Variants in KLF1 observed in about 807,000 individuals in gnomAD.
KLF1 encodes the protein KLF transcription factor 1.
Under a neutral mutation model 28.0 loss-of-function variants are expected in KLF1, and 29 were observed. The observed-to-expected ratio is 1.04, with a 90% CI of 0.77 to 1.41. KLF1 has a LOEUF of 1.41. Ranked by LOEUF, KLF1 falls within the 40% of genes most tolerant of loss-of-function variation. The probability of loss-of-function intolerance (pLI) is 0.00; values close to 1 mark genes in which losing one functional copy is unlikely to be tolerated. For missense variants in KLF1, 508 were observed against 515.1 expected (o/e 0.99, Z 0.13); for synonymous variants, 262 against 242.6 (o/e 1.08, Z -0.74).
In KLF1 at chr19:12,887,090, C is replaced by T. The variant is rs1970458009; in HGVS notation, c.51G>A (p.Leu17=). The T allele has an allele frequency of 1.9e-6, 3 of 1,614,044 alleles. No homozygotes were observed. The highest frequency in any genetic ancestry group is 1.6e-4 in the Middle Eastern group (1 of 6,084). The change falls in exon 1 of 3, where the codon CTG becomes CTA. Residue 17 remains leucine, a synonymous_variant. Transcript: ENST00000264834. This position sits in a 1 kb window ranked among gnomAD's most constrained non-coding sequence, Gnocchi z 4.7. ...CATCCTGTGTGTCCGGGAAGGGGCC[C>T]AGGGCGGTCAGTGTGCTGATGGAGG... is the stretch of plus-strand genomic sequence containing the variant. The part of the protein sequence containing the change: ...ALPSISTLTA[L]GPFPDTQDDF...
rs1884263470 is a variant in KLF1, at chr19:12,887,094, G to A, written c.47C>T (p.Ala16Val). ...TALPSISTLT[A>V]LGPFPDTQDD... ...CTGTGTGTCCGGGAAGGGGCCCAGG[G>A]CGGTCAGTGTGCTGATGGAGGGCAA... Residue 16 changes from alanine (A) to valine (V), a missense_variant, in exon 1 of 3, where the codon GCC (alanine) becomes GTC (valine). By Grantham distance (64) the Ala-to-Val change is moderately conservative. Transcript: ENST00000264834. This position sits in a 1 kb window ranked among gnomAD's most constrained non-coding sequence, Gnocchi z 4.7. The A allele has an allele frequency of 6.2e-7, 1 of 1,614,140 alleles. No homozygotes were observed. The highest frequency in any genetic ancestry group is 8.5e-7 in the Non-Finnish European group (1 of 1,180,000).
At chr19:12,886,337 C>T (rs1021499301) in intron 1 of KLF1, among the ~76,000 whole-genome samples, 195 bp from the exon 2 acceptor site, 1 of 152,122 alleles carries the variant, frequency 6.6e-6, no homozygotes, top group South Asian at 2.1e-4. Context: ...GGACAGAAAC[C>T]GATCAGGTCT....
Position 12,887,125 on chromosome 19 carries a change from T to C in KLF1, c.16A>G (p.Thr6Ala), listed in dbSNP as rs767960054. Residue 6 changes from threonine to alanine, a missense_variant, in exon 1 of 3, where the codon ACC (threonine) becomes GCC (alanine). By Grantham distance (58) the Thr-to-Ala change is moderately conservative. Transcript: ENST00000264834. This position sits in a 1 kb window ranked among gnomAD's most constrained non-coding sequence, Gnocchi z 4.7. ...AGTGTGCTGATGGAGGGCAAGGCGG[T>C]CTCGGCTGTGGCCATGGCTGGCTGG... MATAE[T>A]ALPSISTLTA... 1 of 1,613,978 alleles carries C rather than the reference T, an allele frequency of 6.2e-7. No individual in the cohort carries two copies. The highest frequency in any genetic ancestry group is 8.5e-7 in the Non-Finnish European group (1 of 1,179,960).
chr19:12,884,841 T>C lies in KLF1; in HGVS notation c.*44A>G, dbSNP rs767053649. The stretch of plus-strand genomic sequence containing the variant: ...AAGAGACCACCAAACAGGCTTCTTG[T>C]CCCATCCCCAGTCACTAGGAGAGTC... On this transcript the variant is annotated 3_prime_UTR_variant, in exon 3 of 3. Transcript: ENST00000264834. The C allele has an allele frequency of 4.4e-6, 7 of 1,606,680 alleles. No individual in the cohort carries two copies. Among genetic ancestry groups the C allele is most frequent in the Non-Finnish European group, 6.0e-6 (7 of 1,175,560 alleles).
At chr19:12,886,181 C>G (rs1467696816) in intron 1 of KLF1, 39 bp from the exon 2 acceptor site, 1 of 1,484,008 alleles carries the variant, frequency 6.7e-7, no homozygotes, top group South Asian at 1.2e-5. Context: ...TCGGTGGACA[C>G]TGGGGTGCCC....
chr19:12,884,969 C>CTA lies in KLF1; in HGVS notation c.1004_1005insTA (p.Gln336SerfsTer24). The CTA allele has an allele frequency of 6.2e-7, 1 of 1,613,608 alleles. No individual in the cohort carries two copies. The highest frequency in any genetic ancestry group is 8.5e-7 in the Non-Finnish European group (1 of 1,180,026). ...AGAGCTGGCAGCGGAAGGGGCGCTGCCCCGTGTGTTTCCGGTAGTGGCGGG... is the reference window on the plus strand; with the variant it reads ...AGAGCTGGCAGCGGAAGGGGCGCTGCTACCCGTGTGTTTCCGGTAGTGGCGGG... On this transcript the variant is annotated frameshift_variant, in exon 3 of 3. Coordinates refer to ENST00000264834, the MANE Select transcript of KLF1 (RefSeq NM_006563.5). LOFTEE classifies it high-confidence loss of function.
rs1376935900 is a variant in KLF1 at position 12,884,890 on chromosome 19, G to A, written c.1084C>T (p.Leu362Phe). 1 of 1,613,722 alleles carries A rather than the reference G, an allele frequency of 6.2e-7. No individual in the cohort carries two copies. The highest frequency in any genetic ancestry group is 8.5e-7 in the Non-Finnish European group (1 of 1,180,020). ...TCCAAGTGCCAGGGCAGGGCTCAAA[G>A]GTGGCGCTTCATGTGCAAGGCCAGG... ...DHLALHMKRHL is the reference protein window; with the variant it reads ...DHLALHMKRHF The change falls in exon 3 of 3, where the codon CTT (leucine) becomes TTT (phenylalanine). Residue 362 changes from leucine to phenylalanine, a missense_variant. Leu to Phe is a conservative substitution (Grantham distance 22). Coordinates refer to ENST00000264834, the MANE Select transcript of KLF1 (RefSeq NM_006563.5).
chr19:12,886,842 C>T (rs138082533), intron 1 of KLF1, among the ~76,000 whole-genome samples: 120 of 152,076 alleles, frequency 7.9e-4, no homozygotes, highest in African/African-American at 2.7e-3. Flanking sequence ...TTTCTATTAC[C>T]GAAATAGATC....
Position 12,885,688 on chromosome 19 carries a change from T to C in KLF1, c.542A>G (p.Tyr181Cys). Reference sequence around the variant, plus strand: ...CACTGAAAGCCCGGTCCGCGGGAAGTAGCCACCCGAGGAGCCGGCGCCGGG... The same window carrying C: ...CACTGAAAGCCCGGTCCGCGGGAAGCAGCCACCCGAGGAGCCGGCGCCGGG... ...PGPGAGSSGG[Y>C]FPRTGLSVPA... The change falls in exon 2 of 3, where the codon TAC becomes TGC. Residue 181 changes from tyrosine (Y) to cysteine (C), a missense_variant. Physicochemically the swap from Tyr to Cys is radical, Grantham distance 194 (BLOSUM62 -2). Transcript: ENST00000264834. This position sits in a 1 kb window ranked among gnomAD's most constrained non-coding sequence, Gnocchi z 5.6. The C allele has an allele frequency of 6.5e-7, 1 of 1,533,564 alleles. No individual in the cohort carries two copies. Among genetic ancestry groups the C allele is most frequent in the Non-Finnish European group, 8.8e-7 (1 of 1,138,950 alleles). 95.0% of individuals were successfully genotyped at this position (1,533,564 alleles called of 1,614,324 possible). A position where few individuals can be genotyped will look rare whatever the true frequency, so the allele number is the denominator to read the frequency against.
In KLF1 at chr19:12,885,920, C is replaced by T. The variant is rs772465208; in HGVS notation, c.310G>A (p.Ala104Thr). ...GTCTCGGGCGGCGGCGGATATTGCG[C>T]CCCGGAGGCCTCGCTGGGCGCCAGA... is the stretch of plus-strand genomic sequence containing the variant. ...CALAPSEASG[A>T]QYPPPPETLG... The change falls in exon 2 of 3, where the codon GCG (alanine) becomes ACG (threonine). Residue 104 changes from alanine (A) to threonine (T), a missense_variant. Ala to Thr is a moderately conservative substitution (Grantham distance 58). Transcript: ENST00000264834. The surrounding 1 kb of genome is among the most constrained non-coding windows in gnomAD (Gnocchi z 5.6). 6.4e-7 allele frequency: 1 copy of T among 1,552,042 alleles called. No individual in the cohort carries two copies. Among genetic ancestry groups the T allele is most frequent in the South Asian group, 1.2e-5 (1 of 84,378 alleles).
Position 12,885,691 on chromosome 19 carries a change from C to A in KLF1, c.539G>T (p.Gly180Val). 6.5e-7 allele frequency: 1 copy of A among 1,532,272 alleles called. No individual in the cohort carries two copies. Among genetic ancestry groups the A allele is most frequent in the Non-Finnish European group, 8.8e-7 (1 of 1,138,526 alleles). 94.9% of individuals were successfully genotyped at this position (1,532,272 alleles called of 1,614,324 possible). The change falls in exon 2 of 3, where the codon GGC (glycine) becomes GTC (valine). Residue 180 changes from glycine to valine, a missense_variant. Physicochemically the swap from Gly to Val is moderately radical, Grantham distance 109. Transcript: ENST00000264834. The surrounding 1 kb of genome is among the most constrained non-coding windows in gnomAD (Gnocchi z 5.6). ...TGAAAGCCCGGTCCGCGGGAAGTAG[C>A]CACCCGAGGAGCCGGCGCCGGGCCC... Reference protein sequence around the residue: ...YPGPGAGSSGGYFPRTGLSVP... With the variant: ...YPGPGAGSSGVYFPRTGLSVP...
rs1970423312 is a variant in KLF1 at position 12,885,261 on chromosome 19, C to T, written c.913+56G>A. On this transcript the variant is annotated intron_variant, in intron 2 of 2. Coordinates refer to ENST00000264834, the MANE Select transcript of KLF1 (RefSeq NM_006563.5). This position sits in a 1 kb window ranked among gnomAD's most constrained non-coding sequence, Gnocchi z 5.6. The stretch of plus-strand genomic sequence containing the variant: ...CCCGCCCTCTGCAACCCTTCTTCCC[C>T]TGTAACTACAGCGGGCGCCGCGCCC... The T allele has an allele frequency of 6.7e-7, 1 of 1,482,050 alleles. No homozygotes were observed. The highest frequency in any genetic ancestry group is 2.0e-5 in the Admixed American group (1 of 50,324). The allele number at this position is 1,482,050 out of a possible 1,614,324, so 91.8% of individuals were successfully genotyped here.
rs867268157 is a variant in KLF1 at position 12,885,328 on chromosome 19, C to A, written c.902G>T (p.Arg301Leu). Residue 301 changes from arginine (R) to leucine (L), a missense_variant, in exon 2 of 3, where the codon CGC becomes CTC. Transcript: ENST00000264834. This position sits in a 1 kb window ranked among gnomAD's most constrained non-coding sequence, Gnocchi z 5.6. ...CCCCGCCCCCTCACCTGTGTGCGTG[C>A]GCAGATGCGCCTTCAGGTGGGAGCT... ...TKSSHLKAHLRTHTGEKPYAC... is the reference protein window; with the variant it reads ...TKSSHLKAHLLTHTGEKPYAC... 1.3e-6 allele frequency: 2 copies of A among 1,589,030 alleles called. No homozygotes were observed. Among genetic ancestry groups the A allele is most frequent in the African/African-American group, 1.3e-5 (1 of 74,518 alleles).
Position 12,885,319 on chromosome 19 carries a change from G to C in KLF1, c.911C>G (p.Thr304Arg), listed in dbSNP as rs1970424615. The C allele has an allele frequency of 1.9e-6, 3 of 1,582,216 alleles. No homozygotes were observed. The highest frequency in any genetic ancestry group is 2.6e-6 in the Non-Finnish European group (3 of 1,163,798). Residue 304 changes from threonine to arginine, a missense_variant and splice_region_variant, in exon 2 of 3, where the codon ACA becomes AGA. Coordinates refer to ENST00000264834, the MANE Select transcript of KLF1 (RefSeq NM_006563.5). The surrounding 1 kb of genome is among the most constrained non-coding windows in gnomAD (Gnocchi z 5.6). ...TGTCCGGGGCCCCGCCCCCTCACCT[G>C]TGTGCGTGCGCAGATGCGCCTTCAG... ...SHLKAHLRTH[T>R]GEKPYACTWE...
chr19:12,885,135 C>G lies in KLF1; in HGVS notation c.914-75G>C. ...CGGGTCCCCTGCATCTGGCCACACC[C>G]CTTTACTCAGCCTGGGCTGGGACTA... On this transcript the variant is annotated intron_variant, in intron 2 of 2. Transcript: ENST00000264834. This position sits in a 1 kb window ranked among gnomAD's most constrained non-coding sequence, Gnocchi z 5.6. 6.5e-7 allele frequency: 1 copy of G among 1,539,206 alleles called. No individual in the cohort carries two copies. The highest frequency in any genetic ancestry group is 8.8e-7 in the Non-Finnish European group (1 of 1,132,214).
Position 12,884,717 on chromosome 19 carries a change from T to G in KLF1, c.*168A>C. 1 of 728,156 alleles carries G rather than the reference T, an allele frequency of 1.4e-6. No homozygotes were observed. Among genetic ancestry groups the G allele is most frequent in the Non-Finnish European group, 2.3e-6 (1 of 429,910 alleles). The allele number at this position is 728,156 out of a possible 1,614,324, so 45.1% of individuals were successfully genotyped here. A position where few individuals can be genotyped will look rare whatever the true frequency, so the allele number is the denominator to read the frequency against. ...AGGCTCCCCCAGGGCTGTCTATGGG[T>G]CCGTGTTTGATATTTGGGTGGATCT... On this transcript the variant is annotated 3_prime_UTR_variant, in exon 3 of 3. Transcript: ENST00000264834.
Position 12,885,228 on chromosome 19 carries a change from G to C in KLF1, c.913+89C>G. 1.4e-6 allele frequency: 2 copies of C among 1,383,622 alleles called. No homozygotes were observed. Among genetic ancestry groups the C allele is most frequent in the Non-Finnish European group, 2.0e-6 (2 of 1,010,640 alleles). The allele number at this position is 1,383,622 out of a possible 1,614,324, so 85.7% of individuals were successfully genotyped here. ...GCACTCACTCTCAGAGGCCAGCCAA[G>C]TCCAAGTCCCGCCCTCTGCAACCCT... On this transcript the variant is annotated intron_variant, in intron 2 of 2. Coordinates refer to ENST00000264834, the MANE Select transcript of KLF1 (RefSeq NM_006563.5). This position sits in a 1 kb window ranked among gnomAD's most constrained non-coding sequence, Gnocchi z 5.6.
At position 12,886,094 on chromosome 19, in the gene KLF1, G is replaced by C; in HGVS notation, c.136C>G (p.Pro46Ala). The C allele has an allele frequency of 6.2e-7, 1 of 1,607,486 alleles. No homozygotes were observed. The highest frequency in any genetic ancestry group is 8.5e-7 in the Non-Finnish European group (1 of 1,178,608). ...TTCACGTGGAGGGGCGGCTCCGTGG[G>C]GTCAGGAGGACCCGGGCCCATGTCC... ...AQDMGPGPPD[P>A]TEPPLHVKSE... Residue 46 changes from proline to alanine, a missense_variant, in exon 2 of 3, where the codon CCC becomes GCC. Coordinates refer to ENST00000264834, the MANE Select transcript of KLF1 (RefSeq NM_006563.5).
In KLF1 at chr19:12,885,764, C is replaced by A; in HGVS notation, c.466G>T (p.Ala156Ser). ...DAFVGPALAP[A>S]PAPEPKALAL... ...AGCGCCTTGGGCTCGGGGGCCGGGG[C>A]TGGAGCCAGGGCTGGGCCCACGAAG... Residue 156 changes from alanine (A) to serine (S), a missense_variant, in exon 2 of 3, where the codon GCC becomes TCC. Ala to Ser is a moderately conservative substitution (Grantham distance 99). Transcript: ENST00000264834. The surrounding 1 kb of genome is among the most constrained non-coding windows in gnomAD (Gnocchi z 5.6). The A allele has an allele frequency of 6.6e-7, 1 of 1,522,340 alleles. No homozygotes were observed. 94.3% of individuals were successfully genotyped at this position (1,522,340 alleles called of 1,614,324 possible).
Sources: gnomAD v4.1 joint callset for allele counts (sites outside exome capture counted in the v4.1 genomes callset) on GRCh38, gnomAD v4.1.1 for gene constraint, Gnocchi (gnomAD v3.1) non-coding constraint, MANE v1.5 for transcripts, NCBI Gene and HGNC (gene_info 2026-07-23, HGNC 2026-07-21) for gene names.